SORCS3: variants seen among roughly 807,000 people sequenced by gnomAD.
SORCS3 encodes sortilin related VPS10 domain containing receptor 3.
SORCS3 carries 57 observed loss-of-function variants against 146.3 expected under a neutral mutation model. The ratio of observed to expected loss-of-function variants is 0.39; its 90% CI spans 0.31 to 0.49. The LOEUF (loss-of-function observed/expected upper bound fraction) is 0.49, where lower values mean the gene tolerates loss of function less well. Ranked by LOEUF, SORCS3 falls within the 20% of genes least tolerant of loss-of-function variation. The pLI is 0.92. For missense variants in SORCS3, 1,341 were observed against 1,575.5 expected (o/e 0.85, Z 2.52); for synonymous variants, 653 against 618.5 (o/e 1.06, Z -0.83).
chr10:105,101,184 A>G (rs985301192), intron 6 of SORCS3, among the ~76,000 whole-genome samples: 1 of 152,254 alleles, frequency 6.6e-6, no homozygotes, highest in Non-Finnish European at 1.5e-5. Context: ...ATTTCATCAT[A>G]GAATCTCTAT....
intron 19 of SORCS3, among the ~76,000 whole-genome samples, chr10:105,218,921 A>G (rs770034679): frequency 6.6e-6 from 1 of 152,180 alleles, no homozygotes; most frequent in Non-Finnish European, 1.5e-5. Flanking sequence ...AGGCTGAGGC[A>G]GGAGAATCGC....
intron 1 of SORCS3, among the ~76,000 whole-genome samples, chr10:104,766,648 G>A (rs2017183301): frequency 6.6e-6 from 1 of 152,208 alleles, no homozygotes; most frequent in African/African-American, 2.4e-5. Flanking sequence ...GTGGCCAGTT[G>A]AGCATTCACA....
At chr10:104,950,510 C>T (rs1028410385) in intron 3 of SORCS3, among the ~76,000 whole-genome samples, 3 of 152,088 alleles carry the variant, frequency 2.0e-5, no homozygotes, top group African/African-American at 7.2e-5. Context: ...CAGCTTGGCA[C>T]ATAGCAAGTG....
chr10:104,924,737 C>G (rs1475909407), intron 3 of SORCS3, among the ~76,000 whole-genome samples: 1 of 152,170 alleles, frequency 6.6e-6, no homozygotes, highest in Admixed American at 6.5e-5. Context: ...TCCTCACCTT[C>G]TCAATTTGTA....
chr10:105,257,223 T>C (rs2056937016), intron 25 of SORCS3, among the ~76,000 whole-genome samples: 1 of 152,202 alleles, frequency 6.6e-6, no homozygotes, highest in African/African-American at 2.4e-5. Flanking sequence ...TCAATCAAAC[T>C]TCTAAAGTAA....
At chr10:104,724,374 G>A (rs1031398361) in intron 1 of SORCS3, among the ~76,000 whole-genome samples, 10 of 152,204 alleles carry the variant, frequency 6.6e-5, no homozygotes, top group Non-Finnish European at 2.9e-5. Flanking sequence ...TTCCTTTGTG[G>A]GTAACCCGAC....
chr10:105,182,020 G>A (rs1200491196), intron 14 of SORCS3, among the ~76,000 whole-genome samples: 1 of 152,002 alleles, frequency 6.6e-6, no homozygotes, highest in Non-Finnish European at 1.5e-5. Flanking sequence ...TGAACCAATT[G>A]GCTATGATTT....
chr10:104,808,978 C>A (rs1164054194), intron 1 of SORCS3, among the ~76,000 whole-genome samples: 1 of 152,002 alleles, frequency 6.6e-6, no homozygotes, highest in African/African-American at 2.4e-5. Flanking sequence ...ATTGCGTTGG[C>A]TATAGTAAAA....
chr10:104,725,598 C>T (rs1271629595), intron 1 of SORCS3, among the ~76,000 whole-genome samples: 1 of 152,206 alleles, frequency 6.6e-6, no homozygotes, highest in African/African-American at 2.4e-5. Context: ...GGCAGGCAGG[C>T]CTCCTTGAGC....
intron 1 of SORCS3, among the ~76,000 whole-genome samples, chr10:104,840,733 T>C (rs958073477): frequency 2.6e-5 from 4 of 152,266 alleles, no homozygotes; most frequent in Admixed American, 1.3e-4. Flanking sequence ...ACCCTCAGCA[T>C]CTCTTTCTTC....
At chr10:104,836,861 T>C (rs919058185) in intron 1 of SORCS3, among the ~76,000 whole-genome samples, 1 of 152,034 alleles carries the variant, frequency 6.6e-6, no homozygotes, top group African/African-American at 2.4e-5. Context: ...CCTCCTGCTC[T>C]TTTCTATCTA....
At chr10:104,931,194 G>A (rs941424954) in intron 3 of SORCS3, among the ~76,000 whole-genome samples, 6 of 152,176 alleles carry the variant, frequency 3.9e-5, no homozygotes, top group African/African-American at 1.4e-4. Context: ...CTTATTCAAA[G>A]TTACACAGCC....
chr10:104,816,947 A>G (rs2017804420), intron 1 of SORCS3, among the ~76,000 whole-genome samples: 1 of 152,170 alleles, frequency 6.6e-6, no homozygotes, highest in South Asian at 2.1e-4. Flanking sequence ...AGGGAGGCCA[A>G]GCCTTCAGCC....
chr10:105,154,069 GAAAAAAAAA>G (rs59868914), intron 9 of SORCS3, among the ~76,000 whole-genome samples: 1 of 76,156 alleles, frequency 1.3e-5, no homozygotes, highest in South Asian at 5.5e-4. Context: ...GACTCCATCT[GAAAAAAAAA>G]AAAAAAAAAA....
chr10:105,079,238 A>C (rs2055608001), intron 5 of SORCS3, among the ~76,000 whole-genome samples: 1 of 152,216 alleles, frequency 6.6e-6, no homozygotes, highest in Non-Finnish European at 1.5e-5. Flanking sequence ...TGAGAGGACT[A>C]TTGCTCCAGA....
At chr10:105,210,199 A>G (rs2056625641) in intron 16 of SORCS3, among the ~76,000 whole-genome samples, 1 of 152,180 alleles carries the variant, frequency 6.6e-6, no homozygotes. Flanking sequence ...AGAAAAAGAA[A>G]GGAGTTGTGG....
Position 105,132,694 on chromosome 10 carries a change from G to A in SORCS3, c.1213-6703G>A, listed in dbSNP as rs1377005. ...GATGTGTTTAATGGCCAATGCATTT[G>A]TCCAAAGGAATCATTTTCACTGGCC... is the stretch of plus-strand genomic sequence containing the variant. On this transcript the variant is annotated intron_variant, in intron 7 of 26. Coordinates refer to ENST00000369701, the MANE Select transcript of SORCS3 (RefSeq NM_014978.3). Among the ~76,000 whole-genome samples, 10 of 152,246 alleles carry A rather than the reference G, an allele frequency of 6.6e-5. No homozygotes were observed. The East Asian group carries it at 1.4e-3, about 21-fold the overall frequency.
At chr10:104,894,669 T>G (rs748304016) in intron 2 of SORCS3, among the ~76,000 whole-genome samples, 1 of 152,110 alleles carries the variant, frequency 6.6e-6, no homozygotes, top group Non-Finnish European at 1.5e-5. Context: ...TAGCAAAACT[T>G]GGCAGCAATT....
At chr10:104,684,707 T>C (rs1477412486) in intron 1 of SORCS3, among the ~76,000 whole-genome samples, 1 of 150,380 alleles carries the variant, frequency 6.6e-6, no homozygotes, top group Admixed American at 6.7e-5. Context: ...TTTTATGATA[T>C]AGTTGAGGGG....
Sources: gnomAD v4.1 joint callset for allele counts (sites outside exome capture counted in the v4.1 genomes callset) on GRCh38, gnomAD v4.1.1 for gene constraint, MANE v1.5 for transcripts, NCBI Gene and HGNC (gene_info 2026-07-23, HGNC 2026-07-21) for gene names.